Variants in REV3L observed in about 807,000 individuals in gnomAD.
REV3L encodes the protein REV3 like, DNA directed polymerase zeta catalytic subunit.
Under a neutral mutation model 299.4 loss-of-function variants are expected in REV3L, and 69 were observed. The observed-to-expected ratio is 0.23, with a 90% CI of 0.19 to 0.28. REV3L has a LOEUF of 0.28. Among genes scored for constraint, REV3L ranks in the 10% least tolerant of loss-of-function variants. The pLI is 1.00. For missense variants in REV3L, 3,128 were observed against 3,693.8 expected (o/e 0.85, Z 3.97); for synonymous variants, 1,238 against 1,271.4 (o/e 0.97, Z 0.56).
chr6:111,320,795 G>A (rs1774080464), intron 26 of REV3L, among the ~76,000 whole-genome samples: 1 of 152,114 alleles, frequency 6.6e-6, no homozygotes, highest in Admixed American at 6.6e-5. Flanking sequence ...GAGTACAGGT[G>A]CACACCACCA....
chr6:111,368,246 C>T lies in REV3L; in HGVS notation c.5760-218G>A, dbSNP rs529359046. Among the ~76,000 whole-genome samples the T allele has an allele frequency of 8.5e-5, 13 of 152,236 alleles. No homozygotes were observed. In the South Asian group the frequency reaches 2.7e-3, roughly 32 times the overall value. ...CTACTTAATTTCCTTTGGAAGGTAC[C>T]ATTAATCTTAGGGAGAGAAGGTATT... On this transcript the variant is annotated intron_variant, in intron 13 of 31. Transcript: ENST00000368802.
At chr6:111,431,052 T>C (rs1582966173) in intron 1 of REV3L, 3 of 1,525,288 alleles carry the variant, frequency 2.0e-6, no homozygotes, top group East Asian at 2.3e-5. Context: ...ACAGTTCTTA[T>C]GCACCGCATT....
intron 1 of REV3L, among the ~76,000 whole-genome samples, chr6:111,422,306 C>A (rs950306796): frequency 4.6e-5 from 7 of 151,872 alleles, no homozygotes; most frequent in Admixed American, 3.3e-4. Flanking sequence ...TTAGAATGGT[C>A]TATGGCTGCT....
chr6:111,427,849 A>C (rs1392016581), intron 1 of REV3L, among the ~76,000 whole-genome samples: 1 of 152,090 alleles, frequency 6.6e-6, no homozygotes, highest in African/African-American at 2.4e-5. Context: ...TGGGACTACC[A>C]TCCCTAGTCC....
At chr6:111,408,744 G>C (rs1325590589) in intron 3 of REV3L, among the ~76,000 whole-genome samples, 2 of 152,158 alleles carry the variant, frequency 1.3e-5, no homozygotes, top group African/African-American at 2.4e-5. Flanking sequence ...AAATGCAGTG[G>C]TGCGATCTCA....
rs548120740 is a variant in REV3L at position 111,302,397 on chromosome 6, A to C, written c.9253-2241T>G. Among the ~76,000 whole-genome samples the C allele has an allele frequency of 2.0e-5, 3 of 152,344 alleles. No homozygotes were observed. The East Asian group carries it at 5.8e-4, about 29-fold the overall frequency. ...TGTCTGATAAATAAGCCAGGATGGA[A>C]TTACTTGACTCACTAAATTTAACTC... On this transcript the variant is annotated intron_variant, in intron 31 of 31. Coordinates refer to ENST00000368802, the MANE Select transcript of REV3L (RefSeq NM_001372078.1).
At chr6:111,479,897 T>C (rs1373199994) in intron 1 of REV3L, among the ~76,000 whole-genome samples, 1 of 152,198 alleles carries the variant, frequency 6.6e-6, no homozygotes. Flanking sequence ...CTTTATTTCT[T>C]AAATTACTCA....
rs962541319 is a variant in REV3L, at chr6:111,367,583, C to A, written c.6205G>T (p.Asp2069Tyr). ...AAAGCAATCTGAGAATTATCAACAT[C>A]CTCCTTGGTATGTGCTGTAGTGGGG... Reference protein sequence around the residue: ...ILPTTAHTKEDVDNSQIALQA... With the variant: ...ILPTTAHTKEYVDNSQIALQA... Residue 2069 changes from aspartate to tyrosine, a missense_variant, in exon 14 of 32, where the codon GAT becomes TAT. Coordinates refer to ENST00000368802, the MANE Select transcript of REV3L (RefSeq NM_001372078.1). 3 of 1,614,074 alleles carry A rather than the reference C, an allele frequency of 1.9e-6. No individual in the cohort carries two copies. In the Middle Eastern group the frequency reaches 4.9e-4, roughly 266 times the overall value.
At chr6:111,345,618 A>G (rs1776945005) in intron 20 of REV3L, among the ~76,000 whole-genome samples, 2 of 152,014 alleles carry the variant, frequency 1.3e-5, no homozygotes, top group African/African-American at 4.8e-5. Flanking sequence ...AATCTCATGC[A>G]TCCCATTCTC....
chr6:111,388,416 T>C (rs1332977785), intron 7 of REV3L, among the ~76,000 whole-genome samples: 4 of 152,164 alleles, frequency 2.6e-5, no homozygotes, highest in Admixed American at 2.0e-4. Flanking sequence ...TTTAAAAGTA[T>C]AAAAGGCACT....
chr6:111,300,502 T>TA (rs1342960540), intron 31 of REV3L, among the ~76,000 whole-genome samples: 1 of 152,216 alleles, frequency 6.6e-6, no homozygotes, highest in African/African-American at 2.4e-5. Flanking sequence ...TCAAAGTACT[T>TA]AGACTATATT....
At chr6:111,393,076 T>TCA in intron 4 of REV3L, 104 bp from the exon 5 acceptor site, 1 of 682,932 alleles carries the variant, frequency 1.5e-6, no homozygotes, top group Non-Finnish European at 2.5e-6. Flanking sequence ...CTCGCTTTGT[T>TCA]GCCCAGGCTG....
chr6:111,429,335 C>T (rs1168017667), intron 1 of REV3L, among the ~76,000 whole-genome samples: 1 of 152,032 alleles, frequency 6.6e-6, no homozygotes, highest in African/African-American at 2.4e-5. Context: ...CTTTCCCAGA[C>T]AAACTTAAGC....
chr6:111,429,489 C>G (rs185797242), intron 1 of REV3L, among the ~76,000 whole-genome samples: 130 of 152,236 alleles, frequency 8.5e-4, no homozygotes, highest in Non-Finnish European at 1.7e-3. Flanking sequence ...CACAAACAAA[C>G]CAGAATACTC....
chr6:111,319,063 T>C (rs1379592947), intron 26 of REV3L, among the ~76,000 whole-genome samples: 1 of 152,176 alleles, frequency 6.6e-6, no homozygotes, highest in Non-Finnish European at 1.5e-5. Flanking sequence ...AGCTGGTAAC[T>C]TGGGCCTATA....
intron 1 of REV3L, among the ~76,000 whole-genome samples, chr6:111,432,282 G>T (rs1787030911): frequency 6.6e-6 from 1 of 152,140 alleles, no homozygotes; most frequent in Non-Finnish European, 1.5e-5. Context: ...AACAGATAAA[G>T]AAGCAAGAGT....
intron 1 of REV3L, among the ~76,000 whole-genome samples, chr6:111,453,626 ATTAAT>A (rs1789810331): frequency 6.6e-6 from 1 of 152,206 alleles, no homozygotes; most frequent in African/African-American, 2.4e-5. Context: ...CACTTTAGTT[ATTAAT>A]TTTAGTTAAT....
chr6:111,437,437 T>A (rs114805254), intron 1 of REV3L, among the ~76,000 whole-genome samples: 4 of 151,912 alleles, frequency 2.6e-5, no homozygotes, highest in Admixed American at 6.6e-5. Flanking sequence ...ATAAATGCTA[T>A]ACTATATATA....
rs1027969161 is a variant in REV3L, at chr6:111,311,546, GT to G, written c.8605-288del. 738 of 176,260 alleles carry G rather than the reference GT, an allele frequency of 4.2e-3. 1 individual carries two copies. Among genetic ancestry groups the G allele is most frequent in the Middle Eastern group, 0.014 (6 of 432 alleles). The allele number at this position is 176,260 out of a possible 1,614,324, so 10.9% of individuals were successfully genotyped here. ...TGATAAGCAACATAAAACACGTTAA[GT>G]TTTTTTTTTTTAATAGTCAAAGCCT... On this transcript the variant is annotated intron_variant, in intron 28 of 31. Transcript: ENST00000368802.
Sources: allele counts gnomAD v4.1 joint callset (sites outside exome capture counted in the v4.1 genomes callset), GRCh38; gene constraint gnomAD v4.1.1; transcripts MANE v1.5; gene names NCBI Gene and HGNC (gene_info 2026-07-23, HGNC 2026-07-21).